KAZN: variants seen among roughly 807,000 people sequenced by gnomAD.
The protein encoded by KAZN is kazrin.
KAZN carries 40 observed loss-of-function variants against 87.4 expected under a neutral mutation model. The observed-to-expected ratio is 0.46, with a 90% CI of 0.36 to 0.60. The LOEUF (loss-of-function observed/expected upper bound fraction) is 0.60, where lower values mean the gene tolerates loss of function less well. Ranked by LOEUF, KAZN falls within the 20% of genes least tolerant of loss-of-function variation. KAZN has a pLI of 0.00. For synonymous variants in KAZN, 466 were observed against 458.3 expected, an observed-to-expected ratio of 1.02 and a Z score of -0.22; for missense variants, 898 against 1,073.9, an observed-to-expected ratio of 0.84 and a Z score of 2.29.
chr1:14,613,661 T>C (rs1557837225), intron 1 of KAZN, among the ~76,000 whole-genome samples: 2 of 152,248 alleles, frequency 1.3e-5, no homozygotes, highest in Admixed American at 1.3e-4. Flanking sequence ...TAATGGTACA[T>C]ACATGCAAGA....
intron 2 of KAZN, among the ~76,000 whole-genome samples, chr1:14,218,029 A>G (rs1237971161): frequency 6.6e-6 from 1 of 152,156 alleles, no homozygotes; most frequent in Non-Finnish European, 1.5e-5. Flanking sequence ...TAGTGAGAGT[A>G]AATTCCAATA....
At chr1:14,745,352 A>G (rs1206047668) in intron 1 of KAZN, among the ~76,000 whole-genome samples, 1 of 152,068 alleles carries the variant, frequency 6.6e-6, no homozygotes, top group African/African-American at 2.4e-5. Context: ...CTCAAAATAG[A>G]TAGGAATGAT....
At chr1:14,408,554 G>A (rs1243079988) in intron 2 of KAZN, among the ~76,000 whole-genome samples, 1 of 152,174 alleles carries the variant, frequency 6.6e-6, no homozygotes, top group Admixed American at 6.5e-5. Context: ...TCCTGGTGAG[G>A]GCCGTCTCCC....
intron 1 of KAZN, among the ~76,000 whole-genome samples, chr1:13,969,551 C>T (rs1382168681): frequency 1.3e-5 from 2 of 152,182 alleles, no homozygotes; most frequent in African/African-American, 4.8e-5. Flanking sequence ...TCCTACACCA[C>T]TCTTTTCCCT....
intron 2 of KAZN, among the ~76,000 whole-genome samples, chr1:14,382,781 G>T (rs1469037427): frequency 4.7e-5 from 7 of 149,968 alleles, no homozygotes; most frequent in Non-Finnish European, 7.5e-5. Context: ...ATAAACATAC[G>T]TGTGCATGTG....
chr1:14,458,236 T>G (rs1667675409), intron 2 of KAZN, among the ~76,000 whole-genome samples: 2 of 152,250 alleles, frequency 1.3e-5, no homozygotes, highest in Admixed American at 1.3e-4. Flanking sequence ...CTATAAAAAA[T>G]TCTAATGGTT....
chr1:14,611,046 G>A (rs1451472135), intron 1 of KAZN, among the ~76,000 whole-genome samples: 1 of 152,204 alleles, frequency 6.6e-6, no homozygotes, highest in Non-Finnish European at 1.5e-5. Flanking sequence ...GTGAATGGAA[G>A]TTTATCCACA....
chr1:14,419,397 C>T (rs968793652), intron 2 of KAZN, among the ~76,000 whole-genome samples: 1 of 152,126 alleles, frequency 6.6e-6, no homozygotes, highest in Non-Finnish European at 1.5e-5. Flanking sequence ...AGCCACCATC[C>T]CTCCCAGCCC....
At chr1:14,995,128 C>A (rs1183296730) in intron 2 of KAZN, among the ~76,000 whole-genome samples, 1 of 152,200 alleles carries the variant, frequency 6.6e-6, no homozygotes, top group East Asian at 1.9e-4. Context: ...CTGGAAGAGA[C>A]AGAGTGTATG....
intron 2 of KAZN, among the ~76,000 whole-genome samples, chr1:14,437,315 A>C (rs1666451291): frequency 6.6e-6 from 1 of 152,216 alleles, no homozygotes; most frequent in African/African-American, 2.4e-5. Flanking sequence ...GCATATTTAC[A>C]GCAATGAGGA....
At chr1:14,385,885 G>A (rs997999264) in intron 2 of KAZN, among the ~76,000 whole-genome samples, 22 of 147,958 alleles carry the variant, frequency 1.5e-4, no homozygotes, top group Admixed American at 2.7e-4. Context: ...TTTCTGTCTC[G>A]TTGATCTGTC....
chr1:14,571,858 G>T (rs1053734368), intron 2 of KAZN, among the ~76,000 whole-genome samples: 1 of 152,196 alleles, frequency 6.6e-6, no homozygotes, highest in Non-Finnish European at 1.5e-5. Flanking sequence ...GGCTTGCATT[G>T]AGTTAGCACC....
chr1:14,220,133 C>G (rs962917551), intron 2 of KAZN, among the ~76,000 whole-genome samples: 1 of 152,112 alleles, frequency 6.6e-6, no homozygotes, highest in African/African-American at 2.4e-5. Context: ...CTTCTGTGCT[C>G]TCTGTGTTCT....
At chr1:14,921,365 G>A (rs1658506762) in intron 1 of KAZN, among the ~76,000 whole-genome samples, 1 of 152,050 alleles carries the variant, frequency 6.6e-6, no homozygotes, top group Non-Finnish European at 1.5e-5. Context: ...GTGGCCAATG[G>A]GCTACATAAA....
chr1:14,056,473 A>T (rs1326783485), intron 1 of KAZN, among the ~76,000 whole-genome samples: 1 of 152,236 alleles, frequency 6.6e-6, no homozygotes, highest in Non-Finnish European at 1.5e-5. Flanking sequence ...GAGCTTCCAG[A>T]AGGGACCCAG....
chr1:15,026,150 G>C (rs1671138474), intron 2 of KAZN, among the ~76,000 whole-genome samples: 1 of 152,096 alleles, frequency 6.6e-6, no homozygotes, highest in Non-Finnish European at 1.5e-5. Flanking sequence ...TCTTTACTTG[G>C]AAACCTGCCT....
chr1:14,338,511 AGAGAGAGAGT>A (rs1285658244), intron 2 of KAZN, among the ~76,000 whole-genome samples: 1 of 121,704 alleles, frequency 8.2e-6, no homozygotes, highest in East Asian at 3.3e-4. Context: ...AAAAAGAGAG[AGAGAGAGAGT>A]GAGAGAGAGA....
At chr1:14,645,135 T>A (rs913212802) in intron 1 of KAZN, among the ~76,000 whole-genome samples, 89 of 152,286 alleles carry the variant, frequency 5.8e-4, no homozygotes, top group Non-Finnish European at 1.3e-4. Context: ...ATTTCTGGGC[T>A]CTCTATTCTG....
At chr1:13,928,319 A>G (rs545848483) in intron 1 of KAZN, among the ~76,000 whole-genome samples, 170 of 152,322 alleles carry the variant, frequency 1.1e-3, no homozygotes, top group Non-Finnish European at 2.1e-3. Flanking sequence ...GACAGTGGTG[A>G]CATTGATGAT....
Sources: allele counts gnomAD v4.1 joint callset (sites outside exome capture counted in the v4.1 genomes callset), GRCh38; gene constraint gnomAD v4.1.1; transcripts MANE v1.5; gene names NCBI Gene and HGNC (gene_info 2026-07-23, HGNC 2026-07-21).